Variants in XYLB observed in about 807,000 individuals in gnomAD.
XYLB encodes the protein xylulokinase, also known as xylulose kinase.
In XYLB, 62 loss-of-function variants were observed where a neutral mutation model predicts 78.7. That is an observed-to-expected ratio of 0.79 (90% CI 0.64 to 0.97). XYLB has a LOEUF of 0.97. Ranked by LOEUF, XYLB falls within the 50% of genes least tolerant of loss-of-function variation. XYLB has a pLI of 0.00. For missense variants in XYLB, 687 were observed against 676.8 expected, an observed-to-expected ratio of 1.02 and a Z score of -0.17; for synonymous variants, 245 against 247.4, an observed-to-expected ratio of 0.99 and a Z score of 0.09.
At chr3:38,357,653 T>C (rs1705732744) in intron 2 of XYLB, among the ~76,000 whole-genome samples, 1 of 152,266 alleles carries the variant, frequency 6.6e-6, no homozygotes, top group Non-Finnish European at 1.5e-5. Flanking sequence ...CCCAAAGTGC[T>C]GGGATTACAG....
At chr3:38,445,725 G>A in the XYLB span, among the ~76,000 whole-genome samples, 1 of 152,180 alleles carries the variant, frequency 6.6e-6, no homozygotes, top group Non-Finnish European at 1.5e-5. Context: ...TCCCAACTCC[G>A]AAGAGTCAGG....
intron 2 of XYLB, among the ~76,000 whole-genome samples, chr3:38,351,858 A>G (rs1054223514): frequency 8.5e-5 from 13 of 152,174 alleles, no homozygotes; most frequent in African/African-American, 3.1e-4. Context: ...GTTGGTTCCT[A>G]TTATTGCCGA....
the XYLB span, among the ~76,000 whole-genome samples, chr3:38,436,865 G>T: frequency 6.6e-6 from 1 of 151,840 alleles, no homozygotes; most frequent in East Asian, 1.9e-4. Flanking sequence ...TTAGCCAGGT[G>T]TGATGGTGGG....
At chr3:38,452,329 C>T in the XYLB span, 1 of 152,208 alleles carries the variant, frequency 6.6e-6, no homozygotes, top group Non-Finnish European at 1.5e-5. Flanking sequence ...TCTTTCTGGG[C>T]AGTGCCTCCA....
At chr3:38,429,728 C>A in the XYLB span, among the ~76,000 whole-genome samples, 1 of 152,124 alleles carries the variant, frequency 6.6e-6, no homozygotes, top group African/African-American at 2.4e-5. Context: ...CATGACAGGC[C>A]CTGGTGTGTG....
chr3:38,425,870 A>C (rs113265112), downstream of XYLB, among the ~76,000 whole-genome samples: 1 of 152,162 alleles, frequency 6.6e-6, no homozygotes, highest in Non-Finnish European at 1.5e-5. Context: ...CCTAATCATC[A>C]TGGGACTTGT....
chr3:38,400,583 C>T (rs1708080262), intron 17 of XYLB, among the ~76,000 whole-genome samples: 1 of 152,154 alleles, frequency 6.6e-6, no homozygotes, highest in Admixed American at 6.5e-5. Flanking sequence ...GTCGAGGTTA[C>T]CCGACCTATT....
the XYLB span, among the ~76,000 whole-genome samples, chr3:38,429,093 T>C: frequency 6.6e-6 from 1 of 152,214 alleles, no homozygotes; most frequent in Non-Finnish European, 1.5e-5. Context: ...CATCCAGTGC[T>C]GAATGCAAGA....
intron 18 of XYLB, among the ~76,000 whole-genome samples, chr3:38,403,879 T>C (rs1708213709): frequency 6.6e-6 from 1 of 152,062 alleles, no homozygotes; most frequent in Non-Finnish European, 1.5e-5. Flanking sequence ...CCTTTACCAT[T>C]GGATCCAAAT....
chr3:38,349,263 CAG>C (rs1439259203), intron 2 of XYLB, among the ~76,000 whole-genome samples: 1 of 152,206 alleles, frequency 6.6e-6, no homozygotes, highest in Non-Finnish European at 1.5e-5. Context: ...TGCTGGGGAG[CAG>C]AGAGAGGCGG....
rs977416283 is a variant in XYLB, at chr3:38,382,891, G to A, written c.1291+3549G>A. 3.9e-5 allele frequency among the ~76,000 whole-genome samples: 6 copies of A among 152,228 alleles called. No individual in the cohort carries two copies. The East Asian group carries it at 1.2e-3, about 29-fold the overall frequency. On this transcript the variant is annotated intron_variant, in intron 15 of 18. Transcript: ENST00000207870. ...TTAAATGCAGAATCAGACCTGTCTTGCCGCTCTGCTGAGTGATCACTTAAA... is the reference window on the plus strand; with the variant it reads ...TTAAATGCAGAATCAGACCTGTCTTACCGCTCTGCTGAGTGATCACTTAAA...
intron 2 of XYLB, among the ~76,000 whole-genome samples, chr3:38,354,192 G>A (rs1705518816): frequency 6.6e-6 from 1 of 151,946 alleles, no homozygotes; most frequent in Non-Finnish European, 1.5e-5. Flanking sequence ...TTCTGCCTCA[G>A]CCTCCTGAGT....
intron 8 of XYLB, among the ~76,000 whole-genome samples, chr3:38,368,967 G>T (rs559879983): frequency 2.6e-4 from 40 of 152,250 alleles, no homozygotes; most frequent in Non-Finnish European, 3.4e-4. Context: ...AAAATAAATT[G>T]CAGTTGATGC....
intron 8 of XYLB, 131 bp downstream of exon 8, chr3:38,368,388 A>G: frequency 1.3e-6 from 1 of 779,592 alleles, no homozygotes; most frequent in South Asian, 1.5e-5. Context: ...CCAGGAAGGA[A>G]GTGTATTCAT....
downstream of XYLB, among the ~76,000 whole-genome samples, chr3:38,424,797 T>C (rs1156489850): frequency 1.3e-5 from 2 of 152,200 alleles, no homozygotes; most frequent in African/African-American, 2.4e-5. Context: ...ATTTACCCAA[T>C]TGCAAACAGC....
At chr3:38,402,086 C>G (rs1370593607) in intron 18 of XYLB, among the ~76,000 whole-genome samples, 1 of 151,954 alleles carries the variant, frequency 6.6e-6, no homozygotes, top group Non-Finnish European at 1.5e-5. Flanking sequence ...TTCCCTTGGC[C>G]CCCAAATTCC....
chr3:38,361,191 C>A (rs530576673), intron 3 of XYLB, among the ~76,000 whole-genome samples: 2 of 152,172 alleles, frequency 1.3e-5, no homozygotes, highest in African/African-American at 2.4e-5. Context: ...TGCTGAGGAT[C>A]AACAGGAAAG....
rs769164520 is a variant in XYLB, at chr3:38,355,989, G to A, written c.141-4350G>A. Reference sequence around the variant, plus strand: ...ACTGGGGCCAGGTGTGGTCGCTCACGCCTGTAATCCCAGCACTTTGGGATT... The same window carrying A: ...ACTGGGGCCAGGTGTGGTCGCTCACACCTGTAATCCCAGCACTTTGGGATT... On this transcript the variant is annotated intron_variant, in intron 2 of 18. Coordinates refer to ENST00000207870, the MANE Select transcript of XYLB (RefSeq NM_005108.4). The A allele has an allele frequency of 9.7e-5, 53 of 546,972 alleles. 1 individual carries two copies. Among genetic ancestry groups the A allele is most frequent in the Non-Finnish European group, 1.4e-4 (42 of 307,090 alleles). The allele number at this position is 546,972 out of a possible 1,614,324, so 33.9% of individuals were successfully genotyped here.
At chr3:38,383,657 T>C (rs1216267884) in intron 15 of XYLB, among the ~76,000 whole-genome samples, 5 of 149,048 alleles carry the variant, frequency 3.4e-5, no homozygotes, top group African/African-American at 9.8e-5. Flanking sequence ...GTGCTTGTGG[T>C]CCCAGCTACT....
Sources: allele counts gnomAD v4.1 joint callset (sites outside exome capture counted in the v4.1 genomes callset), GRCh38; gene constraint gnomAD v4.1.1; transcripts MANE v1.5; gene names NCBI Gene and HGNC (gene_info 2026-07-23, HGNC 2026-07-21).